Variants in ZNG1B observed in about 807,000 individuals in gnomAD.
The protein encoded by ZNG1B is Zn regulated GTPase metalloprotein activator 1B, also known as zinc-regulated GTPase metalloprotein activator 1B.
the ZNG1B span, among the ~76,000 whole-genome samples, chr2:113,488,222 G>T: frequency 6.6e-6 from 1 of 152,156 alleles, no homozygotes; most frequent in African/African-American, 2.4e-5. Flanking sequence ...GTACCAGCCT[G>T]GAGCCTGGTA....
chr2:113,491,868 CA>C, the ZNG1B span, among the ~76,000 whole-genome samples: 3 of 112,566 alleles, frequency 2.7e-5, 1 homozygote, highest in African/African-American at 9.5e-5. Flanking sequence ...TACAAATGGC[CA>C]ATAAACATAT....
At chr2:113,454,742 T>C in the ZNG1B span, 1 of 1,577,882 alleles carries the variant, frequency 6.3e-7, no homozygotes, top group South Asian at 1.1e-5. Flanking sequence ...CCTTTGTAGG[T>C]ATCATAACTA....
At chr2:113,484,509 C>T in the ZNG1B span, among the ~76,000 whole-genome samples, 1 of 152,218 alleles carries the variant, frequency 6.6e-6, no homozygotes, top group South Asian at 2.1e-4. Context: ...TTTGGGATAG[C>T]ATGTCCTGAA....
At chr2:113,468,863 A>C in the ZNG1B span, 4 of 151,772 alleles carry the variant, frequency 2.6e-5, no homozygotes, top group African/African-American at 7.3e-5. Flanking sequence ...ATTTTCTGTA[A>C]AAGAGTGTAA....
chr2:113,467,242 G>A, the ZNG1B span, among the ~76,000 whole-genome samples: 3 of 135,066 alleles, frequency 2.2e-5, no homozygotes, highest in Non-Finnish European at 4.7e-5. Context: ...ACCTTGAGTA[G>A]TTAAGAGTAA....
the ZNG1B span, among the ~76,000 whole-genome samples, chr2:113,486,167 T>C: frequency 8.1e-6 from 1 of 122,740 alleles, no homozygotes; most frequent in African/African-American, 3.3e-5. Context: ...AGTGGGAAGG[T>C]AGATGAGAAA....
At chr2:113,438,014 G>C in the ZNG1B span, 2 of 1,611,864 alleles carry the variant, frequency 1.2e-6, no homozygotes, top group Non-Finnish European at 1.7e-6. Flanking sequence ...ATTATCACCG[G>C]GTATTTAGGT....
At chr2:113,460,579 A>G in the ZNG1B span, 1 of 1,408,580 alleles carries the variant, frequency 7.1e-7, no homozygotes, top group Non-Finnish European at 9.7e-7. Context: ...TTTTTATTAG[A>G]TGCAAGAAAA....
At chr2:113,453,192 C>T in the ZNG1B span, 1 of 1,590,934 alleles carries the variant, frequency 6.3e-7, no homozygotes, top group African/African-American at 1.4e-5. Context: ...TGATATTTAC[C>T]TTGATGGTAA....
At chr2:113,484,842 T>G in the ZNG1B span, among the ~76,000 whole-genome samples, 3 of 150,574 alleles carry the variant, frequency 2.0e-5, no homozygotes, top group African/African-American at 7.3e-5. Flanking sequence ...TTTGTATTTT[T>G]TTTTTTTTTT....
At chr2:113,473,883 G>T in the ZNG1B span, among the ~76,000 whole-genome samples, 5 of 138,490 alleles carry the variant, frequency 3.6e-5, no homozygotes, top group African/African-American at 1.1e-4. Flanking sequence ...GCTGGATTCG[G>T]TTTGCCAGTA....
At chr2:113,437,721 A>T in the ZNG1B span, 6 of 1,522,070 alleles carry the variant, frequency 3.9e-6, no homozygotes, top group South Asian at 1.2e-5. Flanking sequence ...TCCAGAGCCC[A>T]GGTAATCCGG....
At chr2:113,475,965 G>T in the ZNG1B span, among the ~76,000 whole-genome samples, 2 of 152,068 alleles carry the variant, frequency 1.3e-5, no homozygotes, top group Non-Finnish European at 2.9e-5. Context: ...ACAATTATGT[G>T]TCTTGGAATT....
At chr2:113,461,170 C>T in the ZNG1B span, among the ~76,000 whole-genome samples, 1 of 150,790 alleles carries the variant, frequency 6.6e-6, no homozygotes, top group African/African-American at 2.4e-5. Flanking sequence ...CCTCAGCCTC[C>T]CAAGTAGCTG....
the ZNG1B span, chr2:113,437,818 G>A: frequency 6.2e-6 from 10 of 1,607,922 alleles, no homozygotes; most frequent in African/African-American, 8.0e-5. Context: ...CTGCGGTACG[G>A]CGTGTTGGTC....
the ZNG1B span, chr2:113,445,055 G>T: frequency 6.2e-7 from 1 of 1,608,930 alleles, no homozygotes; most frequent in Non-Finnish European, 8.5e-7. Context: ...GGCAGACCCA[G>T]GTAAGAAGTG....
the ZNG1B span, among the ~76,000 whole-genome samples, chr2:113,453,521 G>A: frequency 1.3e-5 from 2 of 151,134 alleles, no homozygotes; most frequent in African/African-American, 4.9e-5. Flanking sequence ...CCAAAGTGCT[G>A]GGATTACAGG....
chr2:113,488,568 G>A, the ZNG1B span, among the ~76,000 whole-genome samples: 2 of 150,738 alleles, frequency 1.3e-5, no homozygotes, highest in African/African-American at 4.9e-5. Context: ...ATTAAGCTAA[G>A]GCACCAGAGA....
At chr2:113,442,786 C>T in the ZNG1B span, among the ~76,000 whole-genome samples, 1 of 152,184 alleles carries the variant, frequency 6.6e-6, no homozygotes, top group East Asian at 1.9e-4. Context: ...TGTAAAACTA[C>T]TCGATTTTAT....
Sources: gnomAD v4.1 joint callset for allele counts (sites outside exome capture counted in the v4.1 genomes callset) on GRCh38, gnomAD v4.1.1 for gene constraint, MANE v1.5 for transcripts, NCBI Gene and HGNC (gene_info 2026-07-23, HGNC 2026-07-21) for gene names.